Variants in CHN2 observed in about 807,000 individuals in gnomAD.
CHN2 encodes chimerin 2.
In CHN2, 35 loss-of-function variants were observed where a neutral mutation model predicts 56.3. The observed-to-expected ratio is 0.62, with a 90% CI of 0.47 to 0.82. CHN2 has a LOEUF of 0.82. CHN2 is among the 40% of genes least tolerant of loss of function. The pLI is 0.00. For missense variants in CHN2, 491 were observed against 580.5 expected, an observed-to-expected ratio of 0.85 and a Z score of 1.58; for synonymous variants, 210 against 212.8, an observed-to-expected ratio of 0.99 and a Z score of 0.12.
At position 29,393,253 on chromosome 7, in the gene CHN2, T is replaced by C. The variant is rs1801494812; in HGVS notation, c.145-426T>C. On this transcript the variant is annotated intron_variant, in intron 3 of 12. Coordinates refer to ENST00000222792, the MANE Select transcript of CHN2 (RefSeq NM_004067.4). ...GATCAAGTTAAGTCTGCTTTATTTT[T>C]TAATCCAGGTAGACTTCTTGTTTTA... Among the ~76,000 whole-genome samples the C allele has an allele frequency of 2.6e-5, 4 of 152,246 alleles. No homozygotes were observed. In the South Asian group the frequency reaches 8.3e-4, roughly 32 times the overall value.
At chr7:29,505,764 T>A (rs1387485073) in intron 10 of CHN2, among the ~76,000 whole-genome samples, 1 of 152,198 alleles carries the variant, frequency 6.6e-6, no homozygotes, top group South Asian at 2.1e-4. Flanking sequence ...ATCTTCCTAT[T>A]TCCTTGTCAT....
intron 1 of CHN2, among the ~76,000 whole-genome samples, chr7:29,257,053 A>G (rs1003126581): frequency 6.6e-6 from 1 of 152,172 alleles, no homozygotes; most frequent in African/African-American, 2.4e-5. Context: ...GGGGCTGTCA[A>G]CTAGGCTTAC....
intron 1 of CHN2, among the ~76,000 whole-genome samples, chr7:29,203,789 G>T (rs1250224295): frequency 1.3e-5 from 2 of 152,144 alleles, no homozygotes; most frequent in Non-Finnish European, 2.9e-5. Flanking sequence ...TCAGGTCCCT[G>T]TTTGGTTTTA....
chr7:29,408,114 C>T (rs1435342448), intron 6 of CHN2, among the ~76,000 whole-genome samples: 3 of 151,774 alleles, frequency 2.0e-5, no homozygotes, highest in Non-Finnish European at 4.4e-5. Context: ...CACCCGAACT[C>T]AGAAGGCGGA....
intron 1 of CHN2, among the ~76,000 whole-genome samples, chr7:29,327,357 T>C (rs1226307519): frequency 6.6e-6 from 1 of 152,240 alleles, no homozygotes; most frequent in Non-Finnish European, 1.5e-5. Flanking sequence ...TGCTAATCCC[T>C]ACAGGGGACT....
chr7:29,285,625 A>G (rs1007973763), intron 1 of CHN2, among the ~76,000 whole-genome samples: 11 of 152,210 alleles, frequency 7.2e-5, no homozygotes, highest in Admixed American at 5.2e-4. Flanking sequence ...CCCTTTTCAC[A>G]TATGTGGTTG....
intron 3 of CHN2, among the ~76,000 whole-genome samples, chr7:29,385,024 C>A (rs1356123579): frequency 6.6e-6 from 1 of 152,130 alleles, no homozygotes; most frequent in African/African-American, 2.4e-5. Context: ...TGTAGTTTAA[C>A]CTCGTTTAAA....
At chr7:29,215,877 T>A (rs375438056) in intron 1 of CHN2, among the ~76,000 whole-genome samples, 23 of 152,300 alleles carry the variant, frequency 1.5e-4, no homozygotes, top group African/African-American at 4.8e-4. Flanking sequence ...AAGTGACTGA[T>A]TCTGAATATG....
chr7:29,482,818 T>C (rs59949974), intron 7 of CHN2, among the ~76,000 whole-genome samples: 40 of 68,834 alleles, frequency 5.8e-4, no homozygotes, highest in South Asian at 1.4e-3. Flanking sequence ...TTTTTTTTTT[T>C]TTTTTTTTTT....
chr7:29,349,634 T>G (rs1309735795), intron 1 of CHN2, among the ~76,000 whole-genome samples: 2 of 152,226 alleles, frequency 1.3e-5, no homozygotes, highest in Non-Finnish European at 2.9e-5. Context: ...AATTACTACC[T>G]TAGGCTAGAT....
At chr7:29,246,014 G>A (rs935607410) in intron 1 of CHN2, among the ~76,000 whole-genome samples, 2 of 152,280 alleles carry the variant, frequency 1.3e-5, no homozygotes, top group Admixed American at 6.5e-5. Context: ...CTAAGGGTGA[G>A]GTAAGGATAT....
chr7:29,375,051 C>G (rs1317575616), intron 3 of CHN2, among the ~76,000 whole-genome samples: 1 of 151,298 alleles, frequency 6.6e-6, no homozygotes, highest in African/African-American at 2.4e-5. Context: ...CCACACCCAG[C>G]TAAATTTTTT....
intron 1 of CHN2, among the ~76,000 whole-genome samples, chr7:29,255,260 T>C (rs970982204): frequency 6.6e-6 from 1 of 152,182 alleles, no homozygotes; most frequent in Non-Finnish European, 1.5e-5. Context: ...CAGACAGGCA[T>C]GTGGCTCCAG....
chr7:29,210,694 G>T (rs1464847987), intron 1 of CHN2, among the ~76,000 whole-genome samples: 1 of 152,016 alleles, frequency 6.6e-6, no homozygotes, highest in Non-Finnish European at 1.5e-5. Flanking sequence ...AAATAAAGCA[G>T]GAAGGGAGAC....
intron 1 of CHN2, among the ~76,000 whole-genome samples, chr7:29,264,713 C>G (rs901085887): frequency 2.0e-5 from 3 of 152,040 alleles, no homozygotes; most frequent in African/African-American, 7.3e-5. Context: ...AAACCAGAGA[C>G]CTTTGTTCAC....
rs73687446 is a variant in CHN2, at chr7:29,456,451, C to T, written c.577-23828C>T. ...GGACAGAAGAAGAACCATTCTGGAT[C>T]GAGAGCAAATTCTCTGGGAAAGTGA... On this transcript the variant is annotated intron_variant, in intron 6 of 12. Transcript: ENST00000222792. Among the ~76,000 whole-genome samples, 1,498 of 152,252 alleles carry T rather than the reference C, an allele frequency of 9.8e-3. 28 individuals carry two copies. Among genetic ancestry groups the T allele is most frequent in the African/African-American group, 0.034 (1,419 of 41,548 alleles).
chr7:29,495,705 A>G (rs1480214713), intron 7 of CHN2, among the ~76,000 whole-genome samples: 1 of 152,138 alleles, frequency 6.6e-6, no homozygotes, highest in African/African-American at 2.4e-5. Flanking sequence ...TCCTTAGCTG[A>G]TGGCATGGCC....
chr7:29,390,090 A>G (rs1251641735), intron 3 of CHN2, among the ~76,000 whole-genome samples: 1 of 149,860 alleles, frequency 6.7e-6, no homozygotes, highest in Non-Finnish European at 1.5e-5. Flanking sequence ...ACCATTCTGC[A>G]TGGTCACACC....
At chr7:29,149,454 A>G (rs1793284636) in intron 2 of CHN2, among the ~76,000 whole-genome samples, 2 of 152,174 alleles carry the variant, frequency 1.3e-5, no homozygotes, top group South Asian at 4.2e-4. Flanking sequence ...TTGGCCTCCC[A>G]AAGTGCTGGG....
Sources: gnomAD v4.1 joint callset for allele counts (sites outside exome capture counted in the v4.1 genomes callset) on GRCh38, gnomAD v4.1.1 for gene constraint, MANE v1.5 for transcripts, NCBI Gene and HGNC (gene_info 2026-07-23, HGNC 2026-07-21) for gene names.